Variants in SLC25A48 observed in about 807,000 individuals in gnomAD.
SLC25A48 encodes the protein solute carrier family 25 member 48.
In SLC25A48, 29 loss-of-function variants were observed where a neutral mutation model predicts 32.2. That is an observed-to-expected ratio of 0.90 (90% CI 0.67 to 1.23). The LOEUF (loss-of-function observed/expected upper bound fraction) is 1.23. Ranked by LOEUF, SLC25A48 falls within the 50% of genes most tolerant of loss-of-function variation. The pLI is 0.00. For missense variants in SLC25A48, 399 were observed against 422.7 expected (o/e 0.94, Z 0.49); for synonymous variants, 164 against 172.3 (o/e 0.95, Z 0.38).
intron 3 of SLC25A48, among the ~76,000 whole-genome samples, chr5:135,807,478 CTA>C (rs1283935262): frequency 6.7e-6 from 1 of 150,310 alleles, no homozygotes; most frequent in Non-Finnish European, 1.5e-5. Flanking sequence ...TGTGTTAACA[CTA>C]TGTGATACAT....
intron 3 of SLC25A48, among the ~76,000 whole-genome samples, chr5:135,711,047 A>T (rs1424102694): frequency 6.6e-6 from 1 of 152,228 alleles, no homozygotes; most frequent in Non-Finnish European, 1.5e-5. Context: ...AAGCTGCAAG[A>T]TGGCAGAGCC....
At chr5:135,839,455 CG>C (rs1688242812) in intron 1 of SLC25A48, among the ~76,000 whole-genome samples, 1 of 152,162 alleles carries the variant, frequency 6.6e-6, no homozygotes, top group East Asian at 1.9e-4. Context: ...ACCCAATGCT[CG>C]TACCCCCATT....
At chr5:135,722,309 G>A (rs1390775081) in intron 3 of SLC25A48, among the ~76,000 whole-genome samples, 3 of 152,092 alleles carry the variant, frequency 2.0e-5, no homozygotes, top group East Asian at 1.9e-4. Context: ...TTCAACTATC[G>A]GAGGTTCTAT....
rs572887133 is a variant in SLC25A48, at chr5:135,748,021, ACCTGCCC to A, written c.-520-64495_-520-64489del. Among the ~76,000 whole-genome samples, 457 of 152,302 alleles carry A rather than the reference ACCTGCCC, an allele frequency of 3.0e-3. 1 individual carries two copies. Among genetic ancestry groups the A allele is most frequent in the Non-Finnish European group, 4.9e-3 (333 of 68,032 alleles). On this transcript the variant is annotated intron_variant, in intron 3 of 10. Coordinates refer to the SLC25A48 transcript ENST00000646290. ...CAGCACTGAGTTAGATTCCAGACTG[ACCTGCCC>A]CCTGCCATCTGGAGCCCAATCTGGT...
intron 3 of SLC25A48, among the ~76,000 whole-genome samples, chr5:135,669,498 G>C (rs78669769): frequency 0.038 from 5,740 of 152,206 alleles, 133 homozygotes; most frequent in African/African-American, 0.067. Flanking sequence ...ACCTCTGTGG[G>C]CAACGGGATG....
chr5:135,787,124 G>A (rs1394271308), intron 3 of SLC25A48, among the ~76,000 whole-genome samples: 5 of 151,780 alleles, frequency 3.3e-5, no homozygotes, highest in Non-Finnish European at 7.4e-5. Context: ...TTCACAGTAA[G>A]TGTACACCAT....
At chr5:135,768,165 G>A (rs1157199838) in intron 3 of SLC25A48, among the ~76,000 whole-genome samples, 1 of 135,050 alleles carries the variant, frequency 7.4e-6, no homozygotes, top group Non-Finnish European at 1.6e-5. Context: ...CACCCACTGC[G>A]ATATTGGGAG....
intron 4 of SLC25A48, chr5:135,826,061 TGGCACTCA>T (rs1758038177): frequency 6.6e-6 from 1 of 152,220 alleles, no homozygotes; most frequent in Non-Finnish European, 1.5e-5. Flanking sequence ...CCTGGGACCC[TGGCACTCA>T]GGCCTGTATT....
At chr5:135,834,127 C>T (rs1758315529), upstream of SLC25A48, among the ~76,000 whole-genome samples, 1 of 152,198 alleles carries the variant, frequency 6.6e-6, no homozygotes, top group Non-Finnish European at 1.5e-5. Context: ...TGGCCTGGGG[C>T]CTGGCTGAAT....
rs917156319 is a variant in SLC25A48 at position 135,629,673 on chromosome 5, C to T, written c.-709+297C>T. On this transcript the variant is annotated intron_variant, in intron 2 of 10. Transcript: ENST00000646290. This position sits in a 1 kb window ranked among gnomAD's most constrained non-coding sequence, Gnocchi z 4.8. ...CATCAGGCTCAACAGCTCTGGAAGA[C>T]GGTGTGAAATGTGATCAGTTATCAC... Among the ~76,000 whole-genome samples, 1 of 152,178 alleles carries T rather than the reference C, an allele frequency of 6.6e-6. No individual in the cohort carries two copies. Among genetic ancestry groups the T allele is most frequent in the African/African-American group, 2.4e-5 (1 of 41,434 alleles).
At chr5:135,723,414 A>ACACACACACACACAC (rs70976577) in intron 3 of SLC25A48, among the ~76,000 whole-genome samples, 69 of 145,718 alleles carry the variant, frequency 4.7e-4, no homozygotes, top group South Asian at 1.3e-3. Flanking sequence ...ACACACACAC[A>ACACACACACACACAC]ATGGGGAGGG....
At chr5:135,802,396 T>C (rs1039726643) in intron 3 of SLC25A48, among the ~76,000 whole-genome samples, 3 of 151,700 alleles carry the variant, frequency 2.0e-5, no homozygotes, top group Non-Finnish European at 4.4e-5. Flanking sequence ...ACTGTGAATG[T>C]ACACCATGTG....
chr5:135,678,008 G>T (rs1321958834), intron 3 of SLC25A48, among the ~76,000 whole-genome samples: 6 of 152,054 alleles, frequency 3.9e-5, no homozygotes, highest in East Asian at 3.9e-4. Flanking sequence ...AGACCTTTTT[G>T]CATTGTATCT....
intron 3 of SLC25A48, among the ~76,000 whole-genome samples, chr5:135,791,381 A>T (rs1253343698): frequency 2.6e-5 from 4 of 151,836 alleles, no homozygotes; most frequent in African/African-American, 7.3e-5. Context: ...TCCTAATGTC[A>T]CAGCGGGTGT....
At chr5:135,886,658 G>A (rs1352051619) in intron 7 of SLC25A48, among the ~76,000 whole-genome samples, 2 of 81,954 alleles carry the variant, frequency 2.4e-5, no homozygotes, top group Non-Finnish European at 4.6e-5. Context: ...ATGTGTGTGT[G>A]TGTGTGTGTG....
At chr5:135,784,349 T>C (rs7720765) in intron 3 of SLC25A48, among the ~76,000 whole-genome samples, 68,045 of 114,528 alleles carry the variant, frequency 0.59, 27,099 homozygotes, top group Middle Eastern at 0.76. Context: ...TCCACCCCCC[T>C]GTGATATAGT....
intron 1 of SLC25A48, among the ~76,000 whole-genome samples, chr5:135,599,207 A>G (rs561501029): frequency 3.9e-5 from 6 of 152,224 alleles, no homozygotes; most frequent in Admixed American, 2.0e-4. Context: ...ACACTCTTGG[A>G]GATGGACAGT....
intron 3 of SLC25A48, among the ~76,000 whole-genome samples, chr5:135,671,169 G>A (rs528821174): frequency 2.0e-5 from 3 of 152,194 alleles, no homozygotes; most frequent in African/African-American, 2.4e-5. Context: ...AATAAGGGCC[G>A]AAGGAGCTAG....
chr5:135,694,585 A>ATTTATT (rs1446228350), intron 3 of SLC25A48, among the ~76,000 whole-genome samples: 1 of 149,488 alleles, frequency 6.7e-6, no homozygotes. Flanking sequence ...TTATTTATTT[A>ATTTATT]TTTACTTTTA....
Sources: gnomAD v4.1 joint callset for allele counts (sites outside exome capture counted in the v4.1 genomes callset) on GRCh38, gnomAD v4.1.1 for gene constraint, Gnocchi (gnomAD v3.1) non-coding constraint, MANE v1.5 for transcripts, NCBI Gene and HGNC (gene_info 2026-07-23, HGNC 2026-07-21) for gene names.